Variants in SLC30A8 observed in about 807,000 individuals in gnomAD.
The protein encoded by SLC30A8 is solute carrier family 30 member 8.
In SLC30A8, 27 loss-of-function variants were observed where a neutral mutation model predicts 36.9. That is an observed-to-expected ratio of 0.73 (90% CI 0.54 to 1.01). The LOEUF (loss-of-function observed/expected upper bound fraction) is 1.01. SLC30A8 is among the 50% of genes least tolerant of loss of function. The pLI is 0.00. For missense variants in SLC30A8, 439 were observed against 452.0 expected (o/e 0.97, Z 0.26); for synonymous variants, 164 against 172.4 (o/e 0.95, Z 0.38).
At chr8:116,975,795 A>G (rs1010649559) in intron 1 of SLC30A8, among the ~76,000 whole-genome samples, 1 of 152,242 alleles carries the variant, frequency 6.6e-6, no homozygotes, top group East Asian at 1.9e-4. Flanking sequence ...ATTTGAGGCC[A>G]GCAAGGTTGG....
In SLC30A8 at chr8:117,172,524, C is replaced by T. The variant is rs778777336; in HGVS notation, c.965-12C>T. ...AATCAGTGCTAATCTCCCTGTGCTT[C>T]TTTATCAACAGCAGCCAGCCGGGAC... On this transcript the variant is annotated splice_polypyrimidine_tract_variant and intron_variant, in intron 7 of 7. Transcript: ENST00000456015. 6.2e-7 allele frequency: 1 copy of T among 1,613,550 alleles called. No individual in the cohort carries two copies. The highest frequency in any genetic ancestry group is 2.2e-5 in the East Asian group (1 of 44,856).
chr8:117,166,078 AATATAGTTAACAATAAT>A (rs973107080), intron 6 of SLC30A8, among the ~76,000 whole-genome samples: 14 of 152,166 alleles, frequency 9.2e-5, no homozygotes, highest in Non-Finnish European at 1.8e-4. Context: ...GAATGACAAG[AATATAGTTAACAATAAT>A]ATATAGTTCC....
chr8:116,984,914 A>G (rs1448367702), intron 1 of SLC30A8, among the ~76,000 whole-genome samples: 8 of 152,002 alleles, frequency 5.3e-5, no homozygotes, highest in Admixed American at 6.6e-5. Flanking sequence ...TGTCAAGACT[A>G]TGAACCCTTT....
intron 1 of SLC30A8, among the ~76,000 whole-genome samples, chr8:116,958,952 C>T (rs1244404499): frequency 2.1e-5 from 3 of 141,688 alleles, no homozygotes; most frequent in South Asian, 2.2e-4. Flanking sequence ...CGGGTTCAAG[C>T]GAGTCTCCTG....
chr8:117,173,591 A>G lies in SLC30A8; in HGVS notation c.*910A>G, dbSNP rs1308585021. 6.6e-6 allele frequency: 1 copy of G among 152,208 alleles called. No individual in the cohort carries two copies. Among genetic ancestry groups the G allele is most frequent in the Non-Finnish European group, 1.5e-5 (1 of 68,036 alleles). The allele number at this position is 152,208 out of a possible 1,614,324, so 9.4% of individuals were successfully genotyped here. A position where few individuals can be genotyped will look rare whatever the true frequency, so the allele number is the denominator to read the frequency against. On this transcript the variant is annotated 3_prime_UTR_variant, in exon 8 of 8. Coordinates refer to ENST00000456015, the MANE Select transcript of SLC30A8 (RefSeq NM_173851.3). ...ATTGGGCTTAGCATTGAAACTATAA[A>G]GAGGAATCAGACGCAGCAAGTGCTT...
intron 2 of SLC30A8, among the ~76,000 whole-genome samples, chr8:117,094,170 C>T (rs1162660248): frequency 1.3e-5 from 2 of 152,252 alleles, no homozygotes; most frequent in African/African-American, 4.8e-5. Flanking sequence ...CTCTCTTCTC[C>T]TTCTTGGTAA....
chr8:116,974,147 A>C (rs550179711), intron 1 of SLC30A8, among the ~76,000 whole-genome samples: 1 of 152,332 alleles, frequency 6.6e-6, no homozygotes, highest in East Asian at 1.9e-4. Context: ...TTCATGACTA[A>C]AACACCAAAA....
At chr8:117,151,969 A>G (rs1822211579) in intron 2 of SLC30A8, among the ~76,000 whole-genome samples, 1 of 152,238 alleles carries the variant, frequency 6.6e-6, no homozygotes, top group South Asian at 2.1e-4. Context: ...AACTACGGCT[A>G]GAGCCAATGG....
In SLC30A8 at chr8:117,146,814, T is replaced by C. The variant is rs1821918558; in HGVS notation, c.72-140T>C. Reference sequence around the variant, plus strand: ...TTGTTTCTAACACTTGATATTTTCTTGTAGAAGGAGCTGCAAATGAACACT... The same window carrying C: ...TTGTTTCTAACACTTGATATTTTCTCGTAGAAGGAGCTGCAAATGAACACT... On this transcript the variant is annotated intron_variant, in intron 1 of 7. Transcript: ENST00000456015. 9.0e-6 allele frequency: 13 copies of C among 1,440,786 alleles called. No individual in the cohort carries two copies. In the South Asian group the frequency reaches 2.0e-4, roughly 22 times the overall value. 89.3% of individuals were successfully genotyped at this position (1,440,786 alleles called of 1,614,324 possible).
At chr8:117,135,526 TG>T (rs1202156971) in intron 1 of SLC30A8, 128 bp downstream of exon 1, 1 of 560,670 alleles carries the variant, frequency 1.8e-6, no homozygotes, top group Non-Finnish European at 3.1e-6. Flanking sequence ...TTTTATAAGT[TG>T]TTGACTGACA....
chr8:117,014,938 G>A (rs536949134), intron 1 of SLC30A8, among the ~76,000 whole-genome samples: 7 of 151,996 alleles, frequency 4.6e-5, no homozygotes, highest in African/African-American at 1.2e-4. Flanking sequence ...TTGGCTTTGC[G>A]TGCAGCAAGC....
At position 117,097,721 on chromosome 8, in the gene SLC30A8, T is replaced by C. The variant is rs1384341966; in HGVS notation, c.-225-37559T>C. Among the ~76,000 whole-genome samples the C allele has an allele frequency of 4.8e-4, 18 of 37,798 alleles. 1 individual carries two copies. The highest frequency in any genetic ancestry group is 3.4e-3 in the African/African-American group (16 of 4,690). The allele number at this position is 37,798 out of a possible 152,430, so 24.8% of individuals were successfully genotyped here. Reference sequence around the variant, plus strand: ...ATATATAATTTTAAATAATATATATTATATATAATATATAATTTTAAATAA... The same window carrying C: ...ATATATAATTTTAAATAATATATATCATATATAATATATAATTTTAAATAA... On this transcript the variant is annotated intron_variant, in intron 2 of 10. Coordinates refer to the SLC30A8 transcript ENST00000427715.
chr8:117,027,834 G>A (rs891251547), intron 1 of SLC30A8, among the ~76,000 whole-genome samples: 4 of 152,146 alleles, frequency 2.6e-5, no homozygotes, highest in Non-Finnish European at 4.4e-5. Context: ...GGAAAAAGGA[G>A]GGTCTTTGGA....
chr8:116,969,497 A>G (rs1239848603), intron 1 of SLC30A8, among the ~76,000 whole-genome samples: 1 of 152,174 alleles, frequency 6.6e-6, no homozygotes, highest in African/African-American at 2.4e-5. Context: ...CTTCGTATGT[A>G]TTTATCTATA....
intron 1 of SLC30A8, among the ~76,000 whole-genome samples, chr8:117,038,227 C>T (rs754998007): frequency 5.3e-5 from 8 of 152,052 alleles, no homozygotes; most frequent in Non-Finnish European, 7.4e-5. Context: ...CTCTTTTAGC[C>T]CCCAAATTTC....
intron 2 of SLC30A8, among the ~76,000 whole-genome samples, chr8:117,124,201 A>G (rs565225895): frequency 6.6e-6 from 1 of 152,100 alleles, no homozygotes; most frequent in Non-Finnish European, 1.5e-5. Context: ...CTGTGATTGT[A>G]AAAACTGGTC....
At chr8:117,167,749 C>T (rs1431426201) in intron 6 of SLC30A8, among the ~76,000 whole-genome samples, 1 of 151,910 alleles carries the variant, frequency 6.6e-6, no homozygotes, top group East Asian at 1.9e-4. Context: ...TAATTACCAC[C>T]CTTGTACATA....
At chr8:117,125,772 C>T (rs1383192665) in intron 2 of SLC30A8, among the ~76,000 whole-genome samples, 1 of 151,930 alleles carries the variant, frequency 6.6e-6, no homozygotes, top group East Asian at 1.9e-4. Flanking sequence ...AATTGGTTCT[C>T]TCCATATATA....
intron 4 of SLC30A8, among the ~76,000 whole-genome samples, chr8:117,158,937 G>T (rs759068423): frequency 6.6e-6 from 1 of 152,236 alleles, no homozygotes; most frequent in Non-Finnish European, 1.5e-5. Flanking sequence ...AGGATATTAA[G>T]ATGGGAAATT....
Sources: gnomAD v4.1 joint callset for allele counts (sites outside exome capture counted in the v4.1 genomes callset) on GRCh38, gnomAD v4.1.1 for gene constraint, MANE v1.5 for transcripts, NCBI Gene and HGNC (gene_info 2026-07-23, HGNC 2026-07-21) for gene names.